The following TMEM184A variants were observed in gnomAD, a reference collection of about 807,000 sequenced individuals.
The protein encoded by TMEM184A is sexually dimorphic, expressed in male gonads 1.
Under a neutral mutation model 39.5 loss-of-function variants are expected in TMEM184A, and 40 were observed. The observed-to-expected ratio is 1.01, with a 90% CI of 0.79 to 1.32. The LOEUF is 1.32. TMEM184A is among the 40% of genes most tolerant of loss of function. TMEM184A has a pLI of 0.00. For synonymous variants in TMEM184A, 280 were observed against 252.3 expected (o/e 1.11, Z -1.04); for missense variants, 603 against 568.8 (o/e 1.06, Z -0.61).
chr7:1,556,084 C>CTG (rs1243265746), intron 1 of TMEM184A, 30 bp downstream of exon 1: 3 of 157,576 alleles, frequency 1.9e-5, no homozygotes, highest in African/African-American at 7.2e-5. Flanking sequence ...TCCTCTCCCT[C>CTG]TGGTCTGCGG....
At position 1,543,273 on chromosome 7, in the gene TMEM184A, C is replaced by T. The variant is rs530430346; in HGVS notation, c.*3679G>A. On this transcript the variant is annotated 3_prime_UTR_variant, in exon 9 of 9. Coordinates refer to ENST00000297477, the MANE Select transcript of TMEM184A (RefSeq NM_001097620.2). ...TGGGCTCAGTCTCTGAGGGTCAGGCCGCAGTCCTGAGTGTCCCCATCTGCC... is the reference window on the plus strand; with the variant it reads ...TGGGCTCAGTCTCTGAGGGTCAGGCTGCAGTCCTGAGTGTCCCCATCTGCC... The T allele has an allele frequency of 1.3e-5, 2 of 152,398 alleles. No homozygotes were observed. Among genetic ancestry groups the T allele is most frequent in the South Asian group, 2.1e-4 (1 of 4,822 alleles). The allele number at this position is 152,398 out of a possible 1,614,324, so 9.4% of individuals were successfully genotyped here. A position where few individuals can be genotyped will look rare whatever the true frequency, so the allele number is the denominator to read the frequency against.
At chr7:1,549,463 G>T (rs983077852) in intron 6 of TMEM184A, 1 of 458,038 alleles carries the variant, frequency 2.2e-6, no homozygotes, top group Non-Finnish European at 4.5e-6. Context: ...AGTGCTCAAG[G>T]CTGGGCGGGG....
At position 1,548,623 on chromosome 7, in the gene TMEM184A, G is replaced by A. The variant is rs1016384651; in HGVS notation, c.710C>T (p.Ala237Val). The change falls in exon 7 of 9, where the codon GCC becomes GTC. Residue 237 changes from alanine (A) to valine (V), a missense_variant. Transcript: ENST00000297477. ...YNASVSLALYALFLFYFTTRE... is the reference protein window; with the variant it reads ...YNASVSLALYVLFLFYFTTRE... ...GGTGGTGAAGTAGAAGAGGAACAGGGCGTAGAGGGCGAGGCTGACGGAGGC... is the reference window on the plus strand; with the variant it reads ...GGTGGTGAAGTAGAAGAGGAACAGGACGTAGAGGGCGAGGCTGACGGAGGC... The A allele has an allele frequency of 6.2e-7, 1 of 1,613,968 alleles. No individual in the cohort carries two copies. Among genetic ancestry groups the A allele is most frequent in the Admixed American group, 1.7e-5 (1 of 60,020 alleles).
Position 1,548,542 on chromosome 7 carries a change from A to G in TMEM184A, c.791T>C (p.Val264Ala). 1 of 1,613,456 alleles carries G rather than the reference A, an allele frequency of 6.2e-7. No homozygotes were observed. The highest frequency in any genetic ancestry group is 1.7e-5 in the Admixed American group (1 of 60,002). ...PVLKFLTIKA[V>A]IFLSFWQGLL... ...ACCTTGCCAGAACGACAGGAAGATG[A>G]CGGCTTTGATGGTGAGGAACTTGAG... Residue 264 changes from valine to alanine, a missense_variant, in exon 7 of 9, where the codon GTC becomes GCC. Coordinates refer to ENST00000297477, the MANE Select transcript of TMEM184A (RefSeq NM_001097620.2).
intron 6 of TMEM184A, chr7:1,549,583 G>A (rs1249717429): frequency 4.5e-5 from 26 of 573,484 alleles, no homozygotes; most frequent in Admixed American, 2.0e-4. Context: ...CCAGGCCCCC[G>A]GCCTTGGCAG....
chr7:1,545,424 G>A lies in TMEM184A; in HGVS notation c.*1528C>T, dbSNP rs1007763364. 6.5e-6 allele frequency: 1 copy of A among 152,822 alleles called. No individual in the cohort carries two copies. The highest frequency in any genetic ancestry group is 1.5e-5 in the Non-Finnish European group (1 of 68,256). 9.5% of individuals were successfully genotyped at this position (152,822 alleles called of 1,614,324 possible). A position where few individuals can be genotyped will look rare whatever the true frequency, so the allele number is the denominator to read the frequency against. ...TGCCCGCCCTGCTGAGTCCCTCGGA[G>A]ACCCCAGGTCCCGCTGTTCCTGGTG... is the stretch of plus-strand genomic sequence containing the variant. On this transcript the variant is annotated 3_prime_UTR_variant, in exon 9 of 9. Transcript: ENST00000297477.
At position 1,547,803 on chromosome 7, in the gene TMEM184A, G is replaced by A. The variant is rs187596987; in HGVS notation, c.951C>T (p.Ser317=). The change falls in exon 8 of 9, where the codon TCC becomes TCT. Residue 317 remains serine, a synonymous_variant. Transcript: ENST00000297477. ...FIICVEMLFA[S]VALRYAFPCQ... The stretch of plus-strand genomic sequence containing the variant: ...AGGGGAAGGCATAACGCAGGGCCAC[G>A]GAGGCGAACAGCATCTCCACGCAGA... 4.3e-3 allele frequency: 6,936 copies of A among 1,612,896 alleles called. 63 individuals carry two copies. The highest frequency in any genetic ancestry group is 4.0e-3 in the Middle Eastern group (24 of 6,056).
chr7:1,542,374 G>C lies in TMEM184A; in HGVS notation c.*4578C>G, dbSNP rs1485705478. ...GGAGTTGGGAGCAAAGCGGAGGCCC[G>C]GGCTGCCCGCCGTCCCCCTTCATCT... On this transcript the variant is annotated 3_prime_UTR_variant, in exon 9 of 9. Coordinates refer to ENST00000297477, the MANE Select transcript of TMEM184A (RefSeq NM_001097620.2). 6.6e-6 allele frequency: 1 copy of C among 152,500 alleles called. No individual in the cohort carries two copies. The highest frequency in any genetic ancestry group is 2.4e-5 in the African/African-American group (1 of 41,384). The allele number at this position is 152,500 out of a possible 1,614,324, so 9.4% of individuals were successfully genotyped here.
Position 1,544,220 on chromosome 7 carries a change from C to A in TMEM184A, c.*2732G>T, listed in dbSNP as rs952275397. On this transcript the variant is annotated 3_prime_UTR_variant, in exon 9 of 9. Transcript: ENST00000297477. Reference sequence around the variant, plus strand: ...GTGAGTTGGGGGCACAGAGCCCCAGCCCTGTGTGGGGCTCCTGGAGGCTGC... The same window carrying A: ...GTGAGTTGGGGGCACAGAGCCCCAGACCTGTGTGGGGCTCCTGGAGGCTGC... 2.1e-4 allele frequency: 32 copies of A among 152,238 alleles called. No individual in the cohort carries two copies. Among genetic ancestry groups the A allele is most frequent in the African/African-American group, 7.0e-4 (29 of 41,432 alleles). 9.4% of individuals were successfully genotyped at this position (152,238 alleles called of 1,614,324 possible).
chr7:1,546,167 A>AC lies in TMEM184A; in HGVS notation c.*784dup, dbSNP rs1784337825. ...AGACTCTGAGCAGCAGCCTCCTGTG[A>AC]CCCCCACCGCGTCCTGCTCCTCAGG... On this transcript the variant is annotated 3_prime_UTR_variant, in exon 9 of 9. Transcript: ENST00000297477. 1 of 152,728 alleles carries AC rather than the reference A, an allele frequency of 6.5e-6. No individual in the cohort carries two copies. Among genetic ancestry groups the AC allele is most frequent in the African/African-American group, 2.4e-5 (1 of 41,436 alleles). The allele number at this position is 152,728 out of a possible 1,614,324, so 9.5% of individuals were successfully genotyped here. A position where few individuals can be genotyped will look rare whatever the true frequency, so the allele number is the denominator to read the frequency against.
chr7:1,555,487 G>T lies in TMEM184A; in HGVS notation c.1-3C>A, dbSNP rs766391752. ...AGGATCCCTGAGACATTACTCATCT[G>T]CAGAGGGAGGGAGGACACACACCGG... On this transcript the variant is annotated splice_region_variant and splice_polypyrimidine_tract_variant and intron_variant, in intron 1 of 8. Coordinates refer to ENST00000297477, the MANE Select transcript of TMEM184A (RefSeq NM_001097620.2). The surrounding 1 kb of genome is among the most constrained non-coding windows in gnomAD (Gnocchi z 5.2). 1 of 1,601,856 alleles carries T rather than the reference G, an allele frequency of 6.2e-7. No homozygotes were observed. Among genetic ancestry groups the T allele is most frequent in the African/African-American group, 1.3e-5 (1 of 74,962 alleles).
At chr7:1,552,421 G>A (rs747557967) in intron 2 of TMEM184A, among the ~76,000 whole-genome samples, 7 of 151,934 alleles carry the variant, frequency 4.6e-5, no homozygotes, top group Admixed American at 2.6e-4. Context: ...ATTTCTTTGC[G>A]GGGAGGACAT....
chr7:1,553,013 C>T (rs139138693), intron 2 of TMEM184A, among the ~76,000 whole-genome samples: 44 of 152,156 alleles, frequency 2.9e-4, no homozygotes, highest in African/African-American at 9.4e-4. Flanking sequence ...ACTGATTGTG[C>T]CACCGGACTG....
At chr7:1,548,333 C>A (rs1324608365) in intron 7 of TMEM184A, among the ~76,000 whole-genome samples, 186 bp downstream of exon 7, 1 of 152,102 alleles carries the variant, frequency 6.6e-6, no homozygotes, top group East Asian at 1.9e-4. Flanking sequence ...CCCCACTCCC[C>A]CGTGCTGGCG....
chr7:1,547,231 C>T, intron 8 of TMEM184A, 50 bp from the exon 9 acceptor site: 1 of 1,074,964 alleles, frequency 9.3e-7, no homozygotes, highest in South Asian at 1.4e-5. Flanking sequence ...CACTCCAGCT[C>T]CCCGGACAAG....
Position 1,548,661 on chromosome 7 carries a change from G to A in TMEM184A, c.672C>T (p.Thr224=), listed in dbSNP as rs1784446488. The part of the protein sequence containing the change: ...FNVRSGYLYV[T]LIYNASVSLA... ...GGCTGACGGAGGCGTTGTAGATGAG[G>A]GTCACATAGAGGTAGCCGCTGCGGA... is the stretch of plus-strand genomic sequence containing the variant. The change falls in exon 7 of 9, where the codon ACC becomes ACT. Residue 224 remains threonine (T), a synonymous_variant. Coordinates refer to ENST00000297477, the MANE Select transcript of TMEM184A (RefSeq NM_001097620.2). 1 of 1,613,722 alleles carries A rather than the reference G, an allele frequency of 6.2e-7. No individual in the cohort carries two copies. The highest frequency in any genetic ancestry group is 1.7e-5 in the Admixed American group (1 of 60,002).
chr7:1,547,015 G>A lies in TMEM184A; in HGVS notation c.1179C>T (p.Ser393=), dbSNP rs747086268. 107 of 1,556,350 alleles carry A rather than the reference G, an allele frequency of 6.9e-5. No individual in the cohort carries two copies. The highest frequency in any genetic ancestry group is 1.3e-4 in the Admixed American group (7 of 55,670). The change falls in exon 9 of 9, where the codon TCC becomes TCT. Residue 393 remains serine, a synonymous_variant. Coordinates refer to ENST00000297477, the MANE Select transcript of TMEM184A (RefSeq NM_001097620.2). ...GGCTCCGGCTCTTCCTGCTCCCGCCGGAGCCGCCGCTGGGGTGGGTGCCGG... is the reference window on the plus strand; with the variant it reads ...GGCTCCGGCTCTTCCTGCTCCCGCCAGAGCCGCCGCTGGGGTGGGTGCCGG... ...PRPGTHPSGG[S]GGSRKSRSLE...
Position 1,546,041 on chromosome 7 carries a change from G to A in TMEM184A, c.*911C>T, listed in dbSNP as rs1038637595. The A allele has an allele frequency of 1.3e-5, 2 of 152,604 alleles. No homozygotes were observed. The highest frequency in any genetic ancestry group is 1.9e-4 in the East Asian group (1 of 5,168). The allele number at this position is 152,604 out of a possible 1,614,324, so 9.5% of individuals were successfully genotyped here. A position where few individuals can be genotyped will look rare whatever the true frequency, so the allele number is the denominator to read the frequency against. On this transcript the variant is annotated 3_prime_UTR_variant, in exon 9 of 9. Transcript: ENST00000297477. Reference sequence around the variant, plus strand: ...TTGGAGGAAGTGGAGGCTCCCAGGAGAAAGGCAGTGGCTGTGATCGCACAG... The same window carrying A: ...TTGGAGGAAGTGGAGGCTCCCAGGAAAAAGGCAGTGGCTGTGATCGCACAG...
Position 1,545,166 on chromosome 7 carries a change from C to T in TMEM184A, c.*1786G>A, listed in dbSNP as rs2128553820. The T allele has an allele frequency of 6.6e-6, 1 of 152,324 alleles. No homozygotes were observed. The highest frequency in any genetic ancestry group is 2.4e-5 in the African/African-American group (1 of 41,556). 9.4% of individuals were successfully genotyped at this position (152,324 alleles called of 1,614,324 possible). On this transcript the variant is annotated 3_prime_UTR_variant, in exon 9 of 9. Coordinates refer to ENST00000297477, the MANE Select transcript of TMEM184A (RefSeq NM_001097620.2). ...AGAAACTGCCCCTCGGCAGCAGGTC[C>T]CTGGGGACCTGCTGACAGAGTGAGA... is the stretch of plus-strand genomic sequence containing the variant.
Sources: allele counts gnomAD v4.1 joint callset (sites outside exome capture counted in the v4.1 genomes callset), GRCh38; gene constraint gnomAD v4.1.1; non-coding constraint Gnocchi (gnomAD v3.1); transcripts MANE v1.5; gene names NCBI Gene and HGNC (gene_info 2026-07-23, HGNC 2026-07-21).